Variants in C1orf232 observed in about 807,000 individuals in gnomAD.
C1orf232 encodes the protein uncharacterized protein C1orf232.
A neutral mutation model predicts 12.1 loss-of-function variants in C1orf232; 10 were observed. That is an observed-to-expected ratio of 0.82 (90% CI 0.51 to 1.40). The LOEUF is 1.40. C1orf232 is among the 40% of genes most tolerant of loss of function. C1orf232 has a pLI of 0.00. For missense variants in C1orf232, 88 were observed against 98.4 expected, an observed-to-expected ratio of 0.89 and a Z score of 0.45; for synonymous variants, 36 against 39.8, an observed-to-expected ratio of 0.90 and a Z score of 0.36.
rs1371059854 is a variant in C1orf232, at chr1:26,164,963, C to G, written c.267-508G>C. Among the ~76,000 whole-genome samples, 1 of 151,560 alleles carries G rather than the reference C, an allele frequency of 6.6e-6. No homozygotes were observed. The highest frequency in any genetic ancestry group is 1.5e-5 in the Non-Finnish European group (1 of 67,908). ...CTAGGAGCACGGGAGAAAGGTGGAGCGACAGGAAGGCCTAGGTCAGAGGCT... is the reference window on the plus strand; with the variant it reads ...CTAGGAGCACGGGAGAAAGGTGGAGGGACAGGAAGGCCTAGGTCAGAGGCT... On this transcript the variant is annotated intron_variant, in intron 3 of 3. Coordinates refer to ENST00000634842, the MANE Select transcript of C1orf232 (RefSeq NM_001364669.2). This position sits in a 1 kb window ranked among gnomAD's most constrained non-coding sequence, Gnocchi z 4.2.
intron 1 of C1orf232, among the ~76,000 whole-genome samples, chr1:26,167,488 C>A (rs575496242): frequency 2.0e-5 from 3 of 152,336 alleles, no homozygotes; most frequent in African/African-American, 7.2e-5. Context: ...CCATGCCCAG[C>A]TAATTTTTGT....
In C1orf232 at chr1:26,168,500, G is replaced by T; in HGVS notation, c.-1C>A. 8.1e-7 allele frequency: 1 copy of T among 1,232,008 alleles called. No individual in the cohort carries two copies. The highest frequency in any genetic ancestry group is 1.0e-6 in the Non-Finnish European group (1 of 988,176). The allele number at this position is 1,232,008 out of a possible 1,614,324, so 76.3% of individuals were successfully genotyped here. A position where few individuals can be genotyped will look rare whatever the true frequency, so the allele number is the denominator to read the frequency against. ...AGGTTTTCCAGAAGGCCTGGTTCAT[G>T]GCTGCAGGGGGAAGGGGCCTGGCAC... On this transcript the variant is annotated 5_prime_UTR_variant, in exon 1 of 4. Coordinates refer to ENST00000634842, the MANE Select transcript of C1orf232 (RefSeq NM_001364669.2).
At chr1:26,168,275 T>C in intron 1 of C1orf232, 141 bp downstream of exon 1, 1 of 507,384 alleles carries the variant, frequency 2.0e-6, no homozygotes, top group Non-Finnish European at 3.1e-6. Context: ...TGCTGCACCA[T>C]GGTTTTTACC....
intron 3 of C1orf232, 199 bp downstream of exon 3, chr1:26,165,627 C>G: frequency 1.0e-6 from 1 of 977,402 alleles, no homozygotes; most frequent in Non-Finnish European, 1.3e-6. Context: ...AACAGCTGGT[C>G]GATTCCTCCT....
At chr1:26,165,030 G>A (rs867933922) in intron 3 of C1orf232, among the ~76,000 whole-genome samples, 1 of 151,694 alleles carries the variant, frequency 6.6e-6, no homozygotes, top group Non-Finnish European at 1.5e-5. Context: ...GAAGATGTTG[G>A]GGGGAAGGGC....
At chr1:26,167,954 G>C (rs1372159181) in intron 1 of C1orf232, among the ~76,000 whole-genome samples, 1 of 152,170 alleles carries the variant, frequency 6.6e-6, no homozygotes, top group Non-Finnish European at 1.5e-5. Flanking sequence ...TTGTTTGTTT[G>C]CTTGTTTTTT....
chr1:26,164,766 G>A lies in C1orf232; in HGVS notation c.267-311C>T, dbSNP rs1421354640. On this transcript the variant is annotated intron_variant, in intron 3 of 3. Coordinates refer to ENST00000634842, the MANE Select transcript of C1orf232 (RefSeq NM_001364669.2). The surrounding 1 kb of genome is among the most constrained non-coding windows in gnomAD (Gnocchi z 4.2). ...GGAGAGAATGAGGTCAGGGTTTCAG[G>A]CGAGGCTCGAGGAGGGACGCTGGAG... Among the ~76,000 whole-genome samples, 1 of 152,096 alleles carries A rather than the reference G, an allele frequency of 6.6e-6. No homozygotes were observed. The highest frequency in any genetic ancestry group is 2.4e-5 in the African/African-American group (1 of 41,420).
At chr1:26,166,749 T>C (rs10794524) in intron 1 of C1orf232, among the ~76,000 whole-genome samples, 87,797 of 152,066 alleles carry the variant, frequency 0.58, 26,438 homozygotes, top group East Asian at 0.9. Flanking sequence ...TGGCTACAGC[T>C]CTTCACCTGT....
At chr1:26,167,441 C>T (rs1351297026) in intron 1 of C1orf232, among the ~76,000 whole-genome samples, 1 of 152,102 alleles carries the variant, frequency 6.6e-6, no homozygotes, top group Non-Finnish European at 1.5e-5. Context: ...CCTCCTGCCT[C>T]AGCCCCCTGA....
rs549260009 is a variant in C1orf232, at chr1:26,165,621, G to C, written c.266+205C>G. On this transcript the variant is annotated intron_variant, in intron 3 of 3. Coordinates refer to ENST00000634842, the MANE Select transcript of C1orf232 (RefSeq NM_001364669.2). The stretch of plus-strand genomic sequence containing the variant: ...ACCTTCTAGCACCTCAATCCCAACA[G>C]CTGGTCGATTCCTCCTGAGATTTAC... 1.7e-5 allele frequency: 16 copies of C among 916,154 alleles called. No individual in the cohort carries two copies. The Admixed American group carries it at 3.0e-4, about 17-fold the overall frequency. 56.8% of individuals were successfully genotyped at this position (916,154 alleles called of 1,614,324 possible).
At position 26,165,913 on chromosome 1, in the gene C1orf232, A is replaced by G. The variant is rs1183555042; in HGVS notation, c.179T>C (p.Val60Ala). ...CATTGTCAGCCAGCCTTTCACCCCG[A>G]CCCCCTGAACCTGGGAAAGGGGTTG... ...MSQLARRVQG[V>A]GVKGWLTMSS... is the part of the protein sequence containing the mutation. The change falls in exon 3 of 4, where the codon GTC (valine) becomes GCC (alanine). Residue 60 changes from valine to alanine, a missense_variant. Val to Ala is a moderately conservative substitution (Grantham distance 64, BLOSUM62 0). Transcript: ENST00000634842. 2.4e-6 allele frequency: 3 copies of G among 1,231,292 alleles called. No individual in the cohort carries two copies. Among genetic ancestry groups the G allele is most frequent in the Non-Finnish European group, 3.0e-6 (3 of 987,954 alleles). 76.3% of individuals were successfully genotyped at this position (1,231,292 alleles called of 1,614,324 possible). A position where few individuals can be genotyped will look rare whatever the true frequency, so the allele number is the denominator to read the frequency against.
rs1202753221 is a variant in C1orf232 at position 26,164,534 on chromosome 1, AG to A, written c.267-80del. 2.8e-6 allele frequency: 1 copy of A among 361,020 alleles called. No individual in the cohort carries two copies. The highest frequency in any genetic ancestry group is 4.9e-6 in the Non-Finnish European group (1 of 202,186). The allele number at this position is 361,020 out of a possible 1,614,324, so 22.4% of individuals were successfully genotyped here. ...ATCGGCTGGGCTGACGGAGGAGTTTAGTGGGGCCGGGGGAACCTGGGCGGAG... is the reference window on the plus strand; with the variant it reads ...ATCGGCTGGGCTGACGGAGGAGTTTATGGGGCCGGGGGAACCTGGGCGGAG... On this transcript the variant is annotated intron_variant, in intron 3 of 3. Coordinates refer to ENST00000634842, the MANE Select transcript of C1orf232 (RefSeq NM_001364669.2). This position sits in a 1 kb window ranked among gnomAD's most constrained non-coding sequence, Gnocchi z 4.2.
rs1316495086 is a variant in C1orf232 at position 26,164,403 on chromosome 1, C to T, written c.319G>A (p.Gly107Ser). 18 of 385,814 alleles carry T rather than the reference C, an allele frequency of 4.7e-5. No homozygotes were observed. Among genetic ancestry groups the T allele is most frequent in the South Asian group, 1.3e-4 (1 of 7,784 alleles). The allele number at this position is 385,814 out of a possible 1,614,324, so 23.9% of individuals were successfully genotyped here. Residue 107 changes from glycine to serine, a missense_variant, in exon 4 of 4, where the codon GGC becomes AGC. Gly to Ser is a moderately conservative substitution (Grantham distance 56). Coordinates refer to ENST00000634842, the MANE Select transcript of C1orf232 (RefSeq NM_001364669.2). The surrounding 1 kb of genome is among the most constrained non-coding windows in gnomAD (Gnocchi z 4.2). Reference sequence around the variant, plus strand: ...GCGAACGCGTCCCAGAAGCCCGGGCCGCGCGCCTCCGCCGCCGCCGCCGCC... The same window carrying T: ...GCGAACGCGTCCCAGAAGCCCGGGCTGCGCGCCTCCGCCGCCGCCGCCGCC... Reference protein sequence around the residue: ...SQAAAAAEARGPGFWDAFASR... With the variant: ...SQAAAAAEARSPGFWDAFASR...
In C1orf232 at chr1:26,164,878, C is replaced by T. The variant is rs1054869606; in HGVS notation, c.267-423G>A. On this transcript the variant is annotated intron_variant, in intron 3 of 3. Coordinates refer to ENST00000634842, the MANE Select transcript of C1orf232 (RefSeq NM_001364669.2). This position sits in a 1 kb window ranked among gnomAD's most constrained non-coding sequence, Gnocchi z 4.2. Reference sequence around the variant, plus strand: ...GTTCAGATCCCCCCTGAGGGAAGCCCTGGGGAAAAGAGGCGGGGCACAGAC... The same window carrying T: ...GTTCAGATCCCCCCTGAGGGAAGCCTTGGGGAAAAGAGGCGGGGCACAGAC... Among the ~76,000 whole-genome samples, 1 of 151,942 alleles carries T rather than the reference C, an allele frequency of 6.6e-6. No homozygotes were observed. Among genetic ancestry groups the T allele is most frequent in the Non-Finnish European group, 1.5e-5 (1 of 67,990 alleles).
At chr1:26,166,241 C>G (rs1412513089) in intron 1 of C1orf232, 123 bp from the exon 2 acceptor site, 10 of 553,710 alleles carry the variant, frequency 1.8e-5, no homozygotes, top group Non-Finnish European at 2.4e-5. Context: ...AAACACACAC[C>G]TATACACTCC....
At position 26,166,095 on chromosome 1, in the gene C1orf232, C is replaced by G; in HGVS notation, c.108G>C (p.Gly36=). The change falls in exon 2 of 4, where the codon GGG becomes GGC. Residue 36 remains glycine, a synonymous_variant. Coordinates refer to ENST00000634842, the MANE Select transcript of C1orf232 (RefSeq NM_001364669.2). ...AEERENPALV[G]SETAEPTEET... ...CCTCGGTCGGTTCTGCTGTCTCAGA[C>G]CCCACTAATGCTGGGTTCTCCCTCT... The G allele has an allele frequency of 8.1e-7, 1 of 1,231,658 alleles. No individual in the cohort carries two copies. Among genetic ancestry groups the G allele is most frequent in the South Asian group, 4.1e-5 (1 of 24,322 alleles). 76.3% of individuals were successfully genotyped at this position (1,231,658 alleles called of 1,614,324 possible).
chr1:26,167,352 T>C (rs2088437305), intron 1 of C1orf232, among the ~76,000 whole-genome samples: 2 of 151,876 alleles, frequency 1.3e-5, no homozygotes, highest in Admixed American at 6.6e-5. Context: ...ACCATGCCTG[T>C]CTAATTTTGT....
chr1:26,167,351 G>T (rs1412192885), intron 1 of C1orf232, among the ~76,000 whole-genome samples: 2 of 151,976 alleles, frequency 1.3e-5, no homozygotes, highest in African/African-American at 4.8e-5. Context: ...CACCATGCCT[G>T]TCTAATTTTG....
At chr1:26,168,118 T>A (rs1019984985) in intron 1 of C1orf232, among the ~76,000 whole-genome samples, 3 of 152,202 alleles carry the variant, frequency 2.0e-5, no homozygotes, top group African/African-American at 7.2e-5. Context: ...TGTGTCCAGC[T>A]AAGTGTGCCC....
Sources: allele counts gnomAD v4.1 joint callset (sites outside exome capture counted in the v4.1 genomes callset), GRCh38; gene constraint gnomAD v4.1.1; non-coding constraint Gnocchi (gnomAD v3.1); transcripts MANE v1.5; gene names NCBI Gene and HGNC (gene_info 2026-07-23, HGNC 2026-07-21).